The following DSCAML1 variants were observed in gnomAD, a reference collection of about 807,000 sequenced individuals.
The protein encoded by DSCAML1 is DS cell adhesion molecule like 1.
In DSCAML1, 38 loss-of-function variants were observed where a neutral mutation model predicts 200.5. The observed-to-expected ratio is 0.19, with a 90% confidence interval of 0.15 to 0.25. The LOEUF (loss-of-function observed/expected upper bound fraction) is 0.25, where lower values mean the gene tolerates loss of function less well. Among genes scored for constraint, DSCAML1 ranks in the 10% least tolerant of loss-of-function variants. The pLI, the probability that DSCAML1 is intolerant of heterozygous loss-of-function variation, is 1.00. For synonymous variants in DSCAML1, 1,215 were observed against 1,165.0 expected (o/e 1.04, Z -0.87); for missense variants, 2,223 against 2,858.8 (o/e 0.78, Z 5.07).
At chr11:117,660,090 A>G (rs2052813866) in intron 3 of DSCAML1, among the ~76,000 whole-genome samples, 1 of 151,584 alleles carries the variant, frequency 6.6e-6, no homozygotes, top group South Asian at 2.1e-4. Flanking sequence ...CATCCTTTCC[A>G]TTTCTTCCTC....
chr11:117,463,257 C>G lies in DSCAML1; in HGVS notation c.3266-1661G>C, dbSNP rs575070955. 3.5e-4 allele frequency among the ~76,000 whole-genome samples: 53 copies of G among 152,272 alleles called. No individual in the cohort carries two copies. The highest frequency in any genetic ancestry group is 1.2e-3 in the African/African-American group (51 of 41,548). ...TTCTAGATGGTTTAATCTCCTTGAG[C>G]CTTGGCCTCCCTTCATGGATAATTG... On this transcript the variant is annotated intron_variant, in intron 17 of 32. Coordinates refer to ENST00000651296, the MANE Select transcript of DSCAML1 (RefSeq NM_020693.4). The surrounding 1 kb of genome is among the most constrained non-coding windows in gnomAD (Gnocchi z 4.0).
intron 1 of DSCAML1, among the ~76,000 whole-genome samples, chr11:117,804,416 T>C (rs554070271): frequency 6.6e-6 from 1 of 152,246 alleles, no homozygotes; most frequent in Non-Finnish European, 1.5e-5. Context: ...TCCACAGTCA[T>C]GTACACATGC....
chr11:117,444,706 AAAC>A (rs1352992643), intron 20 of DSCAML1, among the ~76,000 whole-genome samples: 13 of 152,214 alleles, frequency 8.5e-5, no homozygotes, highest in African/African-American at 2.9e-4. Context: ...GTTGCCAACA[AAAC>A]AATATCGGAT....
At chr11:117,521,059 C>A in intron 6 of DSCAML1, 71 bp downstream of exon 6, 1 of 1,569,444 alleles carries the variant, frequency 6.4e-7, no homozygotes. Flanking sequence ...ATTGCTCCCA[C>A]CTCAGCAGAA....
chr11:117,753,729 C>T (rs2054638659), intron 3 of DSCAML1, among the ~76,000 whole-genome samples: 2 of 152,188 alleles, frequency 1.3e-5, no homozygotes, highest in South Asian at 4.1e-4. Flanking sequence ...AAGGGCTTGC[C>T]CCCAGTATCC....
At chr11:117,745,278 G>A (rs1591465156) in intron 3 of DSCAML1, among the ~76,000 whole-genome samples, 1 of 152,060 alleles carries the variant, frequency 6.6e-6, no homozygotes, top group African/African-American at 2.4e-5. Context: ...CTTAAGGTCA[G>A]TGTACTTTCC....
intron 32 of DSCAML1, among the ~76,000 whole-genome samples, chr11:117,429,233 G>A (rs1475002381): frequency 1.3e-5 from 2 of 152,172 alleles, no homozygotes; most frequent in Non-Finnish European, 2.9e-5. Context: ...CCCTGAGGAG[G>A]AAAGGAATAT....
chr11:117,722,538 C>T (rs1202908869), intron 3 of DSCAML1, among the ~76,000 whole-genome samples: 2 of 152,064 alleles, frequency 1.3e-5, no homozygotes, highest in Non-Finnish European at 1.5e-5. Context: ...TCTGAATGTT[C>T]CCAACACAAA....
At chr11:117,796,802 T>TACGGGCGCGCCCCAAAACG (rs2055585549) in intron 1 of DSCAML1, among the ~76,000 whole-genome samples, 1 of 152,084 alleles carries the variant, frequency 6.6e-6, no homozygotes, top group African/African-American at 2.4e-5. Flanking sequence ...CCACCACCCC[T>TACGGGCGCGCCCCAAAACG]ACGGGCGCGC....
At chr11:117,441,633 AGAG>A (rs2048051455) in intron 21 of DSCAML1, among the ~76,000 whole-genome samples, 1 of 152,152 alleles carries the variant, frequency 6.6e-6, no homozygotes, top group Non-Finnish European at 1.5e-5. Flanking sequence ...CTCAGAGAGT[AGAG>A]GAGGCCCATG....
intron 3 of DSCAML1, among the ~76,000 whole-genome samples, chr11:117,697,977 G>T (rs1394923912): frequency 6.6e-6 from 1 of 151,964 alleles, no homozygotes; most frequent in Non-Finnish European, 1.5e-5. Flanking sequence ...TCACCATGTT[G>T]CCCAGGATGG....
At chr11:117,589,119 G>A (rs1389948071) in intron 3 of DSCAML1, among the ~76,000 whole-genome samples, 1 of 152,214 alleles carries the variant, frequency 6.6e-6, no homozygotes, top group Non-Finnish European at 1.5e-5. Flanking sequence ...AGATGGGACT[G>A]GTGGCCTCTT....
At chr11:117,586,279 G>A (rs1158859708) in intron 3 of DSCAML1, among the ~76,000 whole-genome samples, 1 of 151,040 alleles carries the variant, frequency 6.6e-6, no homozygotes, top group East Asian at 2.0e-4. Flanking sequence ...AATAGAACAT[G>A]GCTTGCACTC....
chr11:117,521,290 G>A lies in DSCAML1; in HGVS notation c.1053C>T (p.Asn351=). The change falls in exon 6 of 33, where the codon AAC becomes AAT. Residue 351 remains asparagine, a synonymous_variant. Coordinates refer to ENST00000651296, the MANE Select transcript of DSCAML1 (RefSeq NM_020693.4). ...SPEFTIRWYR[N]TELVLPDEAI... The stretch of plus-strand genomic sequence containing the variant: ...CCTCGTCAGGCAGCACCAGCTCCGT[G>A]TTGCGATACCAGCGGATGGTGAACT... 1 of 1,614,218 alleles carries A rather than the reference G, an allele frequency of 6.2e-7. No homozygotes were observed. Among genetic ancestry groups the A allele is most frequent in the Non-Finnish European group, 8.5e-7 (1 of 1,180,026 alleles).
chr11:117,816,913 C>T (rs905877731), intron 1 of DSCAML1, among the ~76,000 whole-genome samples: 2 of 152,168 alleles, frequency 1.3e-5, no homozygotes, highest in African/African-American at 2.4e-5. Flanking sequence ...AGCTAGCGAT[C>T]GGCCTGTCTG....
In DSCAML1 at chr11:117,780,236, GAAA is replaced by G. The variant is rs1565280700; in HGVS notation, c.364+254_364+256del. ...GAGAGAGAGAAAGAAAGAAAGGAAA[GAAA>G]GAAAGAAAGAAAGAAAGAAAGAAAG... On this transcript the variant is annotated intron_variant, in intron 2 of 32. Coordinates refer to ENST00000651296, the MANE Select transcript of DSCAML1 (RefSeq NM_020693.4). The surrounding 1 kb of genome is among the most constrained non-coding windows in gnomAD (Gnocchi z 4.8). Among the ~76,000 whole-genome samples the G allele has an allele frequency of 0.012, 607 of 52,590 alleles. 4 individuals carry two copies. The highest frequency in any genetic ancestry group is 0.022 in the Middle Eastern group (3 of 134). The allele number at this position is 52,590 out of a possible 152,430, so 34.5% of individuals were successfully genotyped here.
At chr11:117,658,201 C>T (rs185819161) in intron 3 of DSCAML1, among the ~76,000 whole-genome samples, 141 of 152,296 alleles carry the variant, frequency 9.3e-4, no homozygotes, top group African/African-American at 3.3e-3. Flanking sequence ...ACAGGAGCCA[C>T]CGTGAGGTCC....
intron 7 of DSCAML1, among the ~76,000 whole-genome samples, chr11:117,517,989 AT>A (rs1031496766): frequency 2.0e-5 from 3 of 152,144 alleles, no homozygotes; most frequent in Non-Finnish European, 4.4e-5. Context: ...CTCCTGGAGC[AT>A]TTTGGGGGCT....
chr11:117,603,865 C>A (rs11216466), intron 3 of DSCAML1, among the ~76,000 whole-genome samples: 16,605 of 152,258 alleles, frequency 0.11, 1,494 homozygotes, highest in African/African-American at 0.24. Context: ...TACCACCAGC[C>A]GCTTGAATTC....
Sources: allele counts gnomAD v4.1 joint callset (sites outside exome capture counted in the v4.1 genomes callset), GRCh38; gene constraint gnomAD v4.1.1; non-coding constraint Gnocchi (gnomAD v3.1); transcripts MANE v1.5; gene names NCBI Gene and HGNC (gene_info 2026-07-23, HGNC 2026-07-21).